The following RASA3 variants were observed in gnomAD, a reference collection of about 807,000 sequenced individuals.
RASA3 encodes ras GTPase-activating protein 3.
In RASA3, 73 loss-of-function variants were observed where a neutral mutation model predicts 110.0. The ratio of observed to expected loss-of-function variants is 0.66; its 90% CI spans 0.55 to 0.81. The LOEUF (loss-of-function observed/expected upper bound fraction) is 0.81, where lower values mean the gene tolerates loss of function less well. Among genes scored for constraint, RASA3 ranks in the 30% least tolerant of loss-of-function variants. The probability of loss-of-function intolerance (pLI) is 0.00; values close to 1 mark genes in which losing one functional copy is unlikely to be tolerated. For missense variants in RASA3, 976 were observed against 1,113.2 expected (o/e 0.88, Z 1.75); for synonymous variants, 500 against 451.4 (o/e 1.11, Z -1.37).
intron 23 of RASA3, among the ~76,000 whole-genome samples, chr13:113,979,668 C>T (rs375155452): frequency 2.2e-4 from 34 of 152,238 alleles, no homozygotes; most frequent in South Asian, 6.2e-4. Context: ...ACGTGTGTAG[C>T]GCATATACAT....
Position 114,011,229 on chromosome 13 carries a change from G to C in RASA3, c.1532C>G (p.Thr511Arg), listed in dbSNP as rs373938545. Reference sequence around the variant, plus strand: ...AACGGTCTTGGAGATCAATGTCAGCGTCCTGGACGTCTGGGGGTCCTGGGG... The same window carrying C: ...AACGGTCTTGGAGATCAATGTCAGCCTCCTGGACGTCTGGGGGTCCTGGGG... Reference protein sequence around the residue: ...PHHTDPQTSRTLTLISKTVQT... With the variant: ...PHHTDPQTSRRLTLISKTVQT... Residue 511 changes from threonine to arginine, a missense_variant, in exon 16 of 24, where the codon ACG becomes AGG. Thr to Arg is a moderately conservative substitution (Grantham distance 71). Coordinates refer to ENST00000334062, the MANE Select transcript of RASA3 (RefSeq NM_007368.4). The surrounding 1 kb of genome is among the most constrained non-coding windows in gnomAD (Gnocchi z 4.8). The C allele has an allele frequency of 6.2e-7, 1 of 1,612,704 alleles. No individual in the cohort carries two copies. Among genetic ancestry groups the C allele is most frequent in the African/African-American group, 1.3e-5 (1 of 75,002 alleles).
chr13:114,017,214 AGGACTCTC>A lies in RASA3; in HGVS notation c.1206+15_1206+22del. On this transcript the variant is annotated intron_variant, in intron 12 of 23. Coordinates refer to ENST00000334062, the MANE Select transcript of RASA3 (RefSeq NM_007368.4). ...ATCCTCCCCACGCCTCGTGAGGCTG[AGGACTCTC>A]GGCCCCGTGCTCACCTCCTCGATGG... 1.3e-6 allele frequency: 2 copies of A among 1,592,970 alleles called. No homozygotes were observed.
intron 17 of RASA3, among the ~76,000 whole-genome samples, chr13:114,008,599 G>A (rs1223575153): frequency 3.1e-5 from 1 of 32,662 alleles, no homozygotes; most frequent in Non-Finnish European, 5.2e-5. Flanking sequence ...AGAGCCCTGC[G>A]GTCTGGACGT....
At chr13:114,130,114 T>C (rs1268587540) in intron 1 of RASA3, among the ~76,000 whole-genome samples, 2 of 152,218 alleles carry the variant, frequency 1.3e-5, no homozygotes, top group African/African-American at 2.4e-5. Context: ...GCAGCACAGT[T>C]ACATGAGACT....
intron 21 of RASA3, among the ~76,000 whole-genome samples, chr13:113,993,876 G>A (rs2053176823): frequency 6.6e-6 from 1 of 151,154 alleles, no homozygotes; most frequent in South Asian, 2.1e-4. Flanking sequence ...CGTCTTTGAT[G>A]GCTTCAGACA....
At chr13:114,030,499 GAGGGCAA>G in intron 4 of RASA3, among the ~76,000 whole-genome samples, 1 of 106,704 alleles carries the variant, frequency 9.4e-6, no homozygotes, top group African/African-American at 3.0e-5. Context: ...GACTCACACA[GAGGGCAA>G]GACTCACACA....
intron 8 of RASA3, among the ~76,000 whole-genome samples, chr13:114,021,861 G>A (rs529710424): frequency 4.6e-5 from 7 of 151,618 alleles, no homozygotes; most frequent in African/African-American, 1.2e-4. Flanking sequence ...GCGTCGCTGC[G>A]TGCACCCAGG....
At chr13:114,095,873 T>C (rs2079935448) in intron 1 of RASA3, among the ~76,000 whole-genome samples, 1 of 152,254 alleles carries the variant, frequency 6.6e-6, no homozygotes, top group South Asian at 2.1e-4. Context: ...TCCTGAGTTT[T>C]GTCTCACTTT....
At chr13:114,027,712 G>T (rs2054053201) in intron 6 of RASA3, 135 bp downstream of exon 6, 2 of 976,052 alleles carry the variant, frequency 2.0e-6, no homozygotes, top group African/African-American at 1.6e-5. Flanking sequence ...AAAACAAAAG[G>T]AAGTAAAAAT....
intron 1 of RASA3, among the ~76,000 whole-genome samples, chr13:114,117,948 G>A (rs549026707): frequency 9.9e-5 from 15 of 150,794 alleles, no homozygotes; most frequent in Non-Finnish European, 1.6e-4. Context: ...AGGGGTGCAC[G>A]TGTGAGGGGT....
chr13:113,998,815 G>T (rs907044403), intron 20 of RASA3, among the ~76,000 whole-genome samples: 2 of 152,230 alleles, frequency 1.3e-5, no homozygotes, highest in Non-Finnish European at 2.9e-5. Flanking sequence ...GTGTCCAGTG[G>T]GCCAGACGGA....
At chr13:114,073,023 T>G (rs1336735291) in intron 2 of RASA3, among the ~76,000 whole-genome samples, 1 of 150,190 alleles carries the variant, frequency 6.7e-6, no homozygotes, top group Admixed American at 6.6e-5. Context: ...AATGGGACGG[T>G]GATGTCCACG....
At chr13:114,016,020 TG>T (rs1311595359) in intron 13 of RASA3, among the ~76,000 whole-genome samples, 176 bp downstream of exon 13, 3 of 152,042 alleles carry the variant, frequency 2.0e-5, no homozygotes, top group Non-Finnish European at 4.4e-5. Context: ...AGGTGGTGGC[TG>T]AGGCCTCCCA....
intron 1 of RASA3, among the ~76,000 whole-genome samples, chr13:114,113,285 C>T (rs1382200225): frequency 2.6e-5 from 4 of 152,224 alleles, no homozygotes; most frequent in African/African-American, 7.2e-5. Context: ...CGGCTCTTCC[C>T]GACAGGGCCC....
chr13:114,055,435 A>G (rs2079227740), intron 2 of RASA3, among the ~76,000 whole-genome samples: 1 of 152,168 alleles, frequency 6.6e-6, no homozygotes, highest in African/African-American at 2.4e-5. Flanking sequence ...CTCCCTGGAG[A>G]AGCTTGGTGC....
chr13:114,060,561 A>G (rs1483851676), intron 2 of RASA3, among the ~76,000 whole-genome samples: 1 of 152,238 alleles, frequency 6.6e-6, no homozygotes, highest in Non-Finnish European at 1.5e-5. Flanking sequence ...GGCAGAGCCA[A>G]GACTGCCGGG....
chr13:113,996,826 C>A, intron 20 of RASA3, 87 bp from the exon 21 acceptor site: 1 of 1,225,162 alleles, frequency 8.2e-7, no homozygotes, highest in Non-Finnish European at 1.2e-6. Flanking sequence ...TGGCCGTCCT[C>A]GCCGGAGTCG....
intron 1 of RASA3, among the ~76,000 whole-genome samples, chr13:114,102,329 G>A (rs551482705): frequency 3.5e-4 from 53 of 152,162 alleles, no homozygotes; most frequent in Admixed American, 1.6e-3. Flanking sequence ...AGCGGGCACC[G>A]AACCAGACTG....
rs1001759726 is a variant in RASA3 at position 114,011,462 on chromosome 13, G to T, written c.1513-214C>A. On this transcript the variant is annotated intron_variant, in intron 15 of 23. Coordinates refer to ENST00000334062, the MANE Select transcript of RASA3 (RefSeq NM_007368.4). The surrounding 1 kb of genome is among the most constrained non-coding windows in gnomAD (Gnocchi z 4.8). The stretch of plus-strand genomic sequence containing the variant: ...TGAGACCATCCCGCAGGCAACATCC[G>T]ACGGCACCGCGGTGACCCACTCTCT... 6.6e-6 allele frequency among the ~76,000 whole-genome samples: 1 copy of T among 152,096 alleles called. No individual in the cohort carries two copies. Among genetic ancestry groups the T allele is most frequent in the Non-Finnish European group, 1.5e-5 (1 of 68,016 alleles).
Sources: gnomAD v4.1 joint callset for allele counts (sites outside exome capture counted in the v4.1 genomes callset) on GRCh38, gnomAD v4.1.1 for gene constraint, Gnocchi (gnomAD v3.1) non-coding constraint, MANE v1.5 for transcripts, NCBI Gene and HGNC (gene_info 2026-07-23, HGNC 2026-07-21) for gene names.